Variants in SGSM3 observed in about 807,000 individuals in gnomAD.
SGSM3 encodes the protein small G protein signaling modulator 3, also known as RUN and SH3 containing 3.
A neutral mutation model predicts 100.5 loss-of-function variants in SGSM3; 96 were observed. The ratio of observed to expected loss-of-function variants is 0.96; its 90% CI spans 0.81 to 1.13. The LOEUF (loss-of-function observed/expected upper bound fraction) is 1.13, where lower values mean the gene tolerates loss of function less well. SGSM3 is among the 50% of genes most tolerant of loss of function. The pLI is 0.00. For synonymous variants in SGSM3, 483 were observed against 422.8 expected (o/e 1.14, Z -1.75); for missense variants, 1,001 against 1,015.8 (o/e 0.99, Z 0.20).
chr22:40,383,982 C>A (rs377724808), intron 1 of SGSM3, among the ~76,000 whole-genome samples: 1 of 152,320 alleles, frequency 6.6e-6, no homozygotes, highest in South Asian at 2.1e-4. Context: ...GGCATCATGG[C>A]TCATGCCTGT....
Position 40,408,690 on chromosome 22 carries a change from A to T in SGSM3, c.1846A>T (p.Thr616Ser), listed in dbSNP as rs1411426347. 3 of 1,613,786 alleles carry T rather than the reference A, an allele frequency of 1.9e-6. No homozygotes were observed. Among genetic ancestry groups the T allele is most frequent in the Non-Finnish European group, 2.5e-6 (3 of 1,179,980 alleles). The stretch of plus-strand genomic sequence containing the variant: ...GTATTCCCGTCTGGTGCTCTGTAAG[A>T]CCTTCAGGTAACTCGGCCCGGGTTC... ...SVYSRLVLCKTFRLDEDGKVL... is the reference protein window; with the variant it reads ...SVYSRLVLCKSFRLDEDGKVL... Residue 616 changes from threonine (T) to serine (S), a missense_variant, in exon 17 of 22, where the codon ACC becomes TCC. Physicochemically the swap from Thr to Ser is moderately conservative, Grantham distance 58 (BLOSUM62 1). Transcript: ENST00000248929.
chr22:40,377,149 C>G (rs936149369), intron 1 of SGSM3, among the ~76,000 whole-genome samples: 2 of 152,210 alleles, frequency 1.3e-5, no homozygotes, highest in Non-Finnish European at 2.9e-5. Flanking sequence ...CCAGGTTCTT[C>G]TGGGGATAAC....
At chr22:40,390,394 C>T (rs1387264491) in intron 1 of SGSM3, 1 of 152,164 alleles carries the variant, frequency 6.6e-6, no homozygotes, top group Non-Finnish European at 1.5e-5. Flanking sequence ...TACTTAGCCC[C>T]TGTCAGTGAC....
intron 1 of SGSM3, among the ~76,000 whole-genome samples, chr22:40,375,213 T>G (rs1024977074): frequency 3.9e-5 from 6 of 152,230 alleles, no homozygotes; most frequent in African/African-American, 1.4e-4. Flanking sequence ...ACTAATGATG[T>G]AAATTGTTTT....
chr22:40,384,465 A>G (rs1219267473), intron 1 of SGSM3, among the ~76,000 whole-genome samples: 1 of 152,194 alleles, frequency 6.6e-6, no homozygotes, highest in Non-Finnish European at 1.5e-5. Flanking sequence ...TAAATAAACA[A>G]AAATTAAAAA....
At position 40,407,733 on chromosome 22, in the gene SGSM3, G is replaced by C; in HGVS notation, c.1525-56G>C. ...CTGAGGAGTCATATCGGGGGTGCAG[G>C]AGGCGCTGGCCCAGGGCACCCAGCT... On this transcript the variant is annotated intron_variant, in intron 13 of 21. Coordinates refer to ENST00000248929, the MANE Select transcript of SGSM3 (RefSeq NM_015705.6). This position sits in a 1 kb window ranked among gnomAD's most constrained non-coding sequence, Gnocchi z 4.7. 6.3e-7 allele frequency: 1 copy of C among 1,598,140 alleles called. No individual in the cohort carries two copies. The highest frequency in any genetic ancestry group is 8.6e-7 in the Non-Finnish European group (1 of 1,165,610).
At position 40,410,100 on chromosome 22, in the gene SGSM3, T is replaced by C. The variant is rs1741462441; in HGVS notation, c.*341T>C. 5.1e-6 allele frequency: 6 copies of C among 1,187,446 alleles called. No individual in the cohort carries two copies. The Middle Eastern group carries it at 1.7e-3, about 334-fold the overall frequency. The allele number at this position is 1,187,446 out of a possible 1,614,324, so 73.6% of individuals were successfully genotyped here. A position where few individuals can be genotyped will look rare whatever the true frequency, so the allele number is the denominator to read the frequency against. On this transcript the variant is annotated 3_prime_UTR_variant, in exon 22 of 22. Coordinates refer to ENST00000248929, the MANE Select transcript of SGSM3 (RefSeq NM_015705.6). Reference sequence around the variant, plus strand: ...GGTTTATAAATAAACTGTGTCTGTCTTTGAGAAAGCACCTACCTGTCTTCT... The same window carrying C: ...GGTTTATAAATAAACTGTGTCTGTCCTTGAGAAAGCACCTACCTGTCTTCT...
At chr22:40,370,827 TC>T (rs970873177) in intron 1 of SGSM3, 139 bp downstream of exon 1, 1 of 151,986 alleles carries the variant, frequency 6.6e-6, no homozygotes, top group African/African-American at 2.4e-5. Context: ...AAGCACCGCC[TC>T]GGGCCGGAGA....
chr22:40,377,357 CTG>C (rs1275861345), intron 1 of SGSM3, among the ~76,000 whole-genome samples: 1 of 152,232 alleles, frequency 6.6e-6, no homozygotes, highest in Non-Finnish European at 1.5e-5. Context: ...TTCCTAATAT[CTG>C]GGCACTAGAG....
intron 1 of SGSM3, among the ~76,000 whole-genome samples, chr22:40,371,271 C>T (rs1416829107): frequency 2.0e-5 from 3 of 152,186 alleles, no homozygotes; most frequent in Non-Finnish European, 4.4e-5. Context: ...TATTCTCATA[C>T]TTAGTTTACT....
In SGSM3 at chr22:40,408,914, C is replaced by T. The variant is rs1486488233; in HGVS notation, c.1903-19C>T. On this transcript the variant is annotated intron_variant, in intron 18 of 21. Coordinates refer to ENST00000248929, the MANE Select transcript of SGSM3 (RefSeq NM_015705.6). ...GCCTGTGGGGGAGCCTGAGTGACAG[C>T]TGACGGTGCCGTTCCCAGGCTGTGC... The T allele has an allele frequency of 1.9e-6, 3 of 1,613,572 alleles. No individual in the cohort carries two copies.
intron 2 of SGSM3, 72 bp downstream of exon 2, chr22:40,400,885 C>T: frequency 2.1e-6 from 3 of 1,410,584 alleles, no homozygotes; most frequent in East Asian, 5.3e-5. Flanking sequence ...TGGAAGGTGG[C>T]TTGTTTTCCA....
At chr22:40,408,200 C>T in intron 15 of SGSM3, 77 bp from the exon 16 acceptor site, 3 of 1,606,506 alleles carry the variant, frequency 1.9e-6, no homozygotes. Context: ...TGGCCTGTAG[C>T]ATGGCAGAGA....
Position 40,404,293 on chromosome 22 carries a change from G to A in SGSM3, c.204G>A (p.Met68Ile). The change falls in exon 5 of 22, where the codon ATG (methionine) becomes ATA (isoleucine). Residue 68 changes from methionine to isoleucine, a missense_variant. Coordinates refer to ENST00000248929, the MANE Select transcript of SGSM3 (RefSeq NM_015705.6). ...GTCTGCTGGCGAACTCCCCTCTGAT[G>A]GAGGATGCTCCACAGAGGCTGCGGT... ...GSSLLANSPL[M>I]EDAPQRLRWQ... The A allele has an allele frequency of 4.5e-6, 7 of 1,541,668 alleles. No homozygotes were observed. Among genetic ancestry groups the A allele is most frequent in the South Asian group, 2.5e-5 (2 of 79,186 alleles).
At chr22:40,398,865 T>G (rs1481602790) in intron 1 of SGSM3, among the ~76,000 whole-genome samples, 1 of 140,986 alleles carries the variant, frequency 7.1e-6, no homozygotes, top group Non-Finnish European at 1.5e-5. Flanking sequence ...GTATTATTAT[T>G]CCATTCTATC....
chr22:40,371,587 T>C (rs745586611), intron 1 of SGSM3, among the ~76,000 whole-genome samples: 1 of 152,258 alleles, frequency 6.6e-6, no homozygotes, highest in Non-Finnish European at 1.5e-5. Context: ...TTTCCCGCTT[T>C]TCTTGCTCTT....
rs375491013 is a variant in SGSM3, at chr22:40,376,056, G to GAA, written c.-112+5378_-112+5379dup. Among the ~76,000 whole-genome samples, 122 of 138,796 alleles carry GAA rather than the reference G, an allele frequency of 8.8e-4. 1 individual carries two copies. Among genetic ancestry groups the GAA allele is most frequent in the African/African-American group, 2.9e-3 (110 of 37,836 alleles). 91.1% of individuals were successfully genotyped at this position (138,796 alleles called of 152,430 possible). ...AGGGAGACCCTGTCTCAAAAAACTG[G>GAA]AAAAAAAAAAACAAGATATGAAAGA... On this transcript the variant is annotated intron_variant, in intron 1 of 21. Coordinates refer to ENST00000248929, the MANE Select transcript of SGSM3 (RefSeq NM_015705.6).
Position 40,404,680 on chromosome 22 carries a change from C to T in SGSM3, c.474+16C>T. ...TGCCAAGCAGGTGAGGCCGGTGGCA[C>T]TGTGCAGGAAGAGCTGGAGGCTGTG... On this transcript the variant is annotated intron_variant, in intron 6 of 21. Coordinates refer to ENST00000248929, the MANE Select transcript of SGSM3 (RefSeq NM_015705.6). The T allele has an allele frequency of 6.3e-7, 1 of 1,578,370 alleles. No homozygotes were observed. The highest frequency in any genetic ancestry group is 8.7e-7 in the Non-Finnish European group (1 of 1,151,348).
chr22:40,406,819 GCCT>G (rs1435662244), intron 10 of SGSM3, 157 bp downstream of exon 10: 1 of 845,452 alleles, frequency 1.2e-6, no homozygotes, highest in Non-Finnish European at 1.9e-6. Context: ...GGTGATCCAG[GCCT>G]CCTCAGGCTT....
Sources: gnomAD v4.1 joint callset for allele counts (sites outside exome capture counted in the v4.1 genomes callset) on GRCh38, gnomAD v4.1.1 for gene constraint, Gnocchi (gnomAD v3.1) non-coding constraint, MANE v1.5 for transcripts, NCBI Gene and HGNC (gene_info 2026-07-23, HGNC 2026-07-21) for gene names.